The following RGS12 variants were observed in gnomAD, a reference collection of about 807,000 sequenced individuals.
RGS12 encodes the protein regulator of G protein signaling 12.
A neutral mutation model predicts 120.1 loss-of-function variants in RGS12; 66 were observed. That is an observed-to-expected ratio of 0.55 (90% CI 0.45 to 0.67). The LOEUF (loss-of-function observed/expected upper bound fraction) is 0.67. Ranked by LOEUF, RGS12 falls within the 30% of genes least tolerant of loss-of-function variation. The pLI, the probability that RGS12 is intolerant of heterozygous loss-of-function variation, is 0.00. For missense variants in RGS12, 1,859 were observed against 1,957.7 expected (o/e 0.95, Z 0.95); for synonymous variants, 827 against 804.7 (o/e 1.03, Z -0.47).
chr4:3,317,326 A>C lies in RGS12; in HGVS notation c.1156A>C (p.Ile386Leu). ...GTCCTCCCTCCCCGTCCTGCAGTTC[A>C]TCTCTGTCCTGTACCGAGACATGGG... is the stretch of plus-strand genomic sequence containing the variant. Reference protein sequence around the residue: ...PASSLPVLQFISVLYRDMGEL... With the variant: ...PASSLPVLQFLSVLYRDMGEL... Residue 386 changes from isoleucine to leucine, a missense_variant, in exon 2 of 18, where the codon ATC (isoleucine) becomes CTC (leucine). By Grantham distance (5) the Ile-to-Leu change is conservative (BLOSUM62 2). This residue lies in a region of RGS12 where 967 missense variants were observed against 994.2 expected (regional missense o/e 0.97). Transcript: ENST00000336727. The C allele has an allele frequency of 6.2e-7, 1 of 1,614,026 alleles. No homozygotes were observed. Among genetic ancestry groups the C allele is most frequent in the Non-Finnish European group, 8.5e-7 (1 of 1,180,018 alleles).
upstream of RGS12, among the ~76,000 whole-genome samples, chr4:3,290,387 G>A (rs1233087559): frequency 6.6e-6 from 1 of 151,312 alleles, no homozygotes; most frequent in Non-Finnish European, 1.5e-5. Context: ...CTTCTCCCCC[G>A]CCCCTGCCAC....
Position 3,366,673 on chromosome 4 carries a change from C to T in RGS12, c.1999-19743C>T, listed in dbSNP as rs34052318. On this transcript the variant is annotated intron_variant, in intron 3 of 17. Coordinates refer to ENST00000336727, the MANE Select transcript of RGS12 (RefSeq NM_001394154.1). The surrounding 1 kb of genome is among the most constrained non-coding windows in gnomAD (Gnocchi z 4.0). ...TCTGTTCCCTCCAGGTCGAGCTGTG[C>T]GCCAGGCATGGCCGGAAAGCTCAGG... is the stretch of plus-strand genomic sequence containing the variant. 0.037 allele frequency among the ~76,000 whole-genome samples: 5,683 copies of T among 152,290 alleles called. 152 individuals carry two copies. The highest frequency in any genetic ancestry group is 0.095 in the South Asian group (458 of 4,826).
chr4:3,422,744 G>A (rs986895307), intron 11 of RGS12, among the ~76,000 whole-genome samples, 161 bp from the exon 12 acceptor site: 1 of 152,270 alleles, frequency 6.6e-6, no homozygotes, highest in Non-Finnish European at 1.5e-5. Flanking sequence ...CACTTTGCAC[G>A]TGGGTGCTGG....
In RGS12 at chr4:3,428,594, A is replaced by C; in HGVS notation, c.3448A>C (p.Lys1150Gln). The C allele has an allele frequency of 6.2e-7, 1 of 1,603,038 alleles. No individual in the cohort carries two copies. Among genetic ancestry groups the C allele is most frequent in the Non-Finnish European group, 8.5e-7 (1 of 1,176,940 alleles). Residue 1150 changes from lysine (K) to glutamine (Q), a missense_variant, in exon 16 of 18, where the codon AAA becomes CAA. Coordinates refer to ENST00000336727, the MANE Select transcript of RGS12 (RefSeq NM_001394154.1). The part of the protein sequence containing the change: ...ERTLGKSNSI[K>Q]IKGENGKNAR... Reference sequence around the variant, plus strand: ...AACACTAGGCAAGTCTAATTCTATTAAAATAAAAGGAGAAAATGGAAAAAA... The same window carrying C: ...AACACTAGGCAAGTCTAATTCTATTCAAATAAAAGGAGAAAATGGAAAAAA...
At chr4:3,367,388 C>T (rs912537898) in intron 3 of RGS12, among the ~76,000 whole-genome samples, 1 of 152,284 alleles carries the variant, frequency 6.6e-6, no homozygotes, top group African/African-American at 2.4e-5. Context: ...ATCGGGTGCT[C>T]CCGCCTTGCG....
At chr4:3,383,797 G>A (rs572551032) in intron 3 of RGS12, among the ~76,000 whole-genome samples, 1 of 152,276 alleles carries the variant, frequency 6.6e-6, no homozygotes, top group African/African-American at 2.4e-5. Flanking sequence ...CAGGAGCAGC[G>A]ATGGCCCATG....
chr4:3,434,258 C>T (rs776962900), intron 17 of RGS12, among the ~76,000 whole-genome samples: 15 of 152,292 alleles, frequency 9.8e-5, no homozygotes, highest in Non-Finnish European at 2.2e-4. Context: ...TCTCCTGAGA[C>T]TCACTATCAT....
intron 3 of RGS12, among the ~76,000 whole-genome samples, chr4:3,363,633 C>T (rs190795864): frequency 2.6e-5 from 4 of 152,098 alleles, no homozygotes; most frequent in East Asian, 1.9e-4. Context: ...CCCGCTCACC[C>T]GGCGCACACT....
intron 4 of RGS12, among the ~76,000 whole-genome samples, chr4:3,402,649 G>T (rs547119597): frequency 1.3e-5 from 2 of 152,288 alleles, no homozygotes; most frequent in South Asian, 4.1e-4. Context: ...CCTCTGCGTT[G>T]GGTGGCGTCC....
At chr4:3,395,288 G>C (rs745604557) in intron 4 of RGS12, among the ~76,000 whole-genome samples, 24 of 151,886 alleles carry the variant, frequency 1.6e-4, no homozygotes, top group Non-Finnish European at 1.9e-4. Flanking sequence ...GGTGCATTTT[G>C]CTCCTGTGAG....
At chr4:3,314,964 C>T (rs1401206965) in intron 1 of RGS12, 1 of 152,226 alleles carries the variant, frequency 6.6e-6, no homozygotes, top group Non-Finnish European at 1.5e-5. Context: ...GTGCTGAGAA[C>T]CTTCCTTTCT....
chr4:3,388,027 G>GCCTCCTC (rs1261187093), intron 4 of RGS12, among the ~76,000 whole-genome samples: 4 of 152,018 alleles, frequency 2.6e-5, no homozygotes, highest in African/African-American at 9.7e-5. Flanking sequence ...AGTGTGTCCT[G>GCCTCCTC]GCTCCTCGCC....
chr4:3,381,161 T>C (rs1718222776), intron 3 of RGS12, among the ~76,000 whole-genome samples: 1 of 142,452 alleles, frequency 7.0e-6, no homozygotes, highest in Admixed American at 6.8e-5. Flanking sequence ...TGACCATTAC[T>C]CTACTTCCCA....
At chr4:3,364,487 C>A (rs943400448) in intron 3 of RGS12, among the ~76,000 whole-genome samples, 3 of 152,090 alleles carry the variant, frequency 2.0e-5, no homozygotes, top group Non-Finnish European at 4.4e-5. Context: ...CAACGTCCTG[C>A]CTTTGGGAGC....
chr4:3,420,869 C>T lies in RGS12; in HGVS notation c.2838+151C>T, dbSNP rs1722943039. ...CAAGGCTCGGGTGCCGGCCCAGGCACAGTGGCAAAGTGCAGGGTGGCCCAG... is the reference window on the plus strand; with the variant it reads ...CAAGGCTCGGGTGCCGGCCCAGGCATAGTGGCAAAGTGCAGGGTGGCCCAG... On this transcript the variant is annotated intron_variant, in intron 10 of 17. Coordinates refer to ENST00000336727, the MANE Select transcript of RGS12 (RefSeq NM_001394154.1). 4 of 730,062 alleles carry T rather than the reference C, an allele frequency of 5.5e-6. No homozygotes were observed. In the Admixed American group the frequency reaches 8.1e-5, roughly 15 times the overall value. 45.2% of individuals were successfully genotyped at this position (730,062 alleles called of 1,614,324 possible).
rs1718809312 is a variant in RGS12, at chr4:3,386,016, A to T, written c.1999-400A>T. On this transcript the variant is annotated intron_variant, in intron 3 of 17. Coordinates refer to ENST00000336727, the MANE Select transcript of RGS12 (RefSeq NM_001394154.1). ...AGTGGACTGTTGGTGGCTGCCCCCG[A>T]GTGTGGTCCTGGGTGGCGTCACGGC... 4 of 219,642 alleles carry T rather than the reference A, an allele frequency of 1.8e-5. No individual in the cohort carries two copies. In the South Asian group the frequency reaches 3.6e-4, roughly 20 times the overall value. 13.6% of individuals were successfully genotyped at this position (219,642 alleles called of 1,614,324 possible).
At position 3,409,142 on chromosome 4, in the gene RGS12, C is replaced by T. The variant is rs575959159; in HGVS notation, c.2021-4930C>T. On this transcript the variant is annotated intron_variant, in intron 4 of 17. Coordinates refer to ENST00000336727, the MANE Select transcript of RGS12 (RefSeq NM_001394154.1). ...CCCAAGCCATGCCTGCATCTGCTCT[C>T]TGCCGTGCTCCTCTGTACCCGAGGC... Among the ~76,000 whole-genome samples the T allele has an allele frequency of 3.3e-5, 5 of 152,320 alleles. No homozygotes were observed. In the East Asian group the frequency reaches 9.7e-4, roughly 29 times the overall value.
chr4:3,302,407 C>T lies in RGS12; in HGVS notation c.-102+9308C>T, dbSNP rs779476319. 7.8e-4 allele frequency among the ~76,000 whole-genome samples: 119 copies of T among 152,202 alleles called. 1 individual carries two copies. The highest frequency in any genetic ancestry group is 3.9e-3 in the Admixed American group (59 of 15,278). On this transcript the variant is annotated intron_variant, in intron 1 of 17. Transcript: ENST00000336727. ...TGGGTGGGGTTGGGGGCTTGGCTCC[C>T]GCTCTTGTCTGAGTGTCTTTGTGGT...
chr4:3,300,960 TGGGGGTG>T, intron 1 of RGS12, among the ~76,000 whole-genome samples: 1 of 152,190 alleles, frequency 6.6e-6, no homozygotes, highest in Middle Eastern at 3.2e-3. Context: ...TGCCTAGACC[TGGGGGTG>T]GTGAGGAGCC....
Sources: gnomAD v4.1 joint callset for allele counts (sites outside exome capture counted in the v4.1 genomes callset) on GRCh38, gnomAD v4.1.1 for gene constraint, gnomAD v4.1.1 regional missense constraint, Gnocchi (gnomAD v3.1) non-coding constraint, MANE v1.5 for transcripts, NCBI Gene and HGNC (gene_info 2026-07-23, HGNC 2026-07-21) for gene names.